The following SPAG16 variants were observed in gnomAD, a reference collection of about 807,000 sequenced individuals.
The protein encoded by SPAG16 is sperm-associated antigen 16 protein.
SPAG16 carries 86 observed loss-of-function variants against 80.4 expected under a neutral mutation model. That is an observed-to-expected ratio of 1.07 (90% CI 0.90 to 1.28). The LOEUF is 1.28. Among genes scored for constraint, SPAG16 ranks in the 50% most tolerant of loss-of-function variants. The probability of loss-of-function intolerance (pLI) is 0.00; values close to 1 mark genes in which losing one functional copy is unlikely to be tolerated. For synonymous variants in SPAG16, 294 were observed against 265.9 expected (o/e 1.11, Z -1.03); for missense variants, 870 against 765.3 (o/e 1.14, Z -1.61).
At chr2:213,464,255 A>G (rs1280506730) in intron 9 of SPAG16, among the ~76,000 whole-genome samples, 1 of 152,240 alleles carries the variant, frequency 6.6e-6, no homozygotes, top group Admixed American at 6.5e-5. Context: ...TTTCTAAAAC[A>G]GTAGTGCCAT....
rs546012868 is a variant in SPAG16, at chr2:213,634,716, A to G, written c.1070+144626A>G. On this transcript the variant is annotated intron_variant, in intron 10 of 15. Coordinates refer to ENST00000331683, the MANE Select transcript of SPAG16 (RefSeq NM_024532.5). ...TGCACCTATAACCCGAGCAGTGTAC[A>G]CTGTACCCAAGATGTAGACTTTTAT... Among the ~76,000 whole-genome samples the G allele has an allele frequency of 4.6e-5, 7 of 152,292 alleles. No individual in the cohort carries two copies. The East Asian group carries it at 1.3e-3, about 29-fold the overall frequency.
At chr2:213,703,148 T>C (rs753850765) in intron 10 of SPAG16, among the ~76,000 whole-genome samples, 1 of 152,202 alleles carries the variant, frequency 6.6e-6, no homozygotes, top group African/African-American at 2.4e-5. Flanking sequence ...AAAGATGACA[T>C]GACAGAGCTG....
chr2:213,577,002 C>A (rs1307395413), intron 10 of SPAG16, among the ~76,000 whole-genome samples: 2 of 152,028 alleles, frequency 1.3e-5, no homozygotes, highest in African/African-American at 4.8e-5. Context: ...GTACATATTT[C>A]TTTGCTACCC....
intron 15 of SPAG16, among the ~76,000 whole-genome samples, chr2:214,370,838 C>T (rs1353483315): frequency 1.3e-5 from 2 of 152,242 alleles, no homozygotes; most frequent in East Asian, 3.9e-4. Context: ...GTGTTTATTT[C>T]TCATAGGCAT....
intron 4 of SPAG16, 55 bp downstream of exon 4, chr2:213,310,232 C>T (rs559502302): frequency 2.2e-5 from 28 of 1,252,406 alleles, no homozygotes; most frequent in South Asian, 1.7e-4. Context: ...TTAACATATA[C>T]ACTTTTAAGT....
intron 10 of SPAG16, among the ~76,000 whole-genome samples, chr2:213,821,366 T>G (rs1440009650): frequency 6.6e-6 from 1 of 152,128 alleles, no homozygotes; most frequent in African/African-American, 2.4e-5. Flanking sequence ...ATTTTAAAAT[T>G]TTATTTTTTC....
intron 10 of SPAG16, among the ~76,000 whole-genome samples, chr2:213,640,255 T>C (rs2062534673): frequency 6.6e-6 from 1 of 152,212 alleles, no homozygotes; most frequent in African/African-American, 2.4e-5. Flanking sequence ...AATTCAGATA[T>C]TTCTTCTTGG....
At chr2:213,523,407 T>C (rs1406767901) in intron 10 of SPAG16, among the ~76,000 whole-genome samples, 1 of 152,176 alleles carries the variant, frequency 6.6e-6, no homozygotes, top group Non-Finnish European at 1.5e-5. Flanking sequence ...ATTAGAAGCA[T>C]GAGAATAGAC....
At chr2:213,859,178 CAAAAAAAAAAAAAAAAAAAAAAA>C (rs1165853142) in intron 10 of SPAG16, among the ~76,000 whole-genome samples, 1 of 9,368 alleles carries the variant, frequency 1.1e-4, no homozygotes, top group Non-Finnish European at 1.8e-4. Flanking sequence ...CACTCCGTCT[CAAAAAAAAAAAAAAAAAAAAAAA>C]AAAAAAAAAA....
intron 11 of SPAG16, among the ~76,000 whole-genome samples, chr2:213,876,396 C>G (rs1280553835): frequency 6.6e-6 from 1 of 151,550 alleles, no homozygotes; most frequent in Non-Finnish European, 1.5e-5. Flanking sequence ...CATTGCAAAC[C>G]TATTTTGTAT....
chr2:213,765,142 G>A (rs1485959349), intron 10 of SPAG16, among the ~76,000 whole-genome samples: 1 of 152,232 alleles, frequency 6.6e-6, no homozygotes, highest in African/African-American at 2.4e-5. Context: ...TGCCCGAGGC[G>A]GGCGGATCAC....
chr2:214,314,871 A>G (rs975876796), intron 15 of SPAG16, among the ~76,000 whole-genome samples: 2 of 152,168 alleles, frequency 1.3e-5, no homozygotes, highest in Non-Finnish European at 2.9e-5. Flanking sequence ...AGGAAAGAAT[A>G]AAAAATGAAT....
At chr2:213,295,912 G>A (rs2062476724) in intron 1 of SPAG16, 152 bp from the exon 2 acceptor site, 1 of 537,802 alleles carries the variant, frequency 1.9e-6, no homozygotes, top group South Asian at 3.0e-5. Flanking sequence ...GGCTATATGG[G>A]GAAGACAAAT....
chr2:214,019,553 C>T (rs1018724394), intron 13 of SPAG16, among the ~76,000 whole-genome samples: 1 of 152,100 alleles, frequency 6.6e-6, no homozygotes, highest in African/African-American at 2.4e-5. Context: ...CTTGTCACTG[C>T]GAGTTTCTAT....
rs903673721 is a variant in SPAG16 at position 213,284,488 on chromosome 2, C to A, written c.5C>A (p.Ala2Asp). The A allele has an allele frequency of 1.3e-6, 2 of 1,567,526 alleles. No individual in the cohort carries two copies. The highest frequency in any genetic ancestry group is 1.7e-6 in the Non-Finnish European group (2 of 1,156,654). ...TGGGGGCCCGAAGCGCCAGAGATGG[C>A]TGCTCAGCGAGGGATGCCCAGCTCC... M[A>D]AQRGMPSSAV... The change falls in exon 1 of 16, where the codon GCT becomes GAT. Residue 2 changes from alanine to aspartate, a missense_variant. Coordinates refer to ENST00000331683, the MANE Select transcript of SPAG16 (RefSeq NM_024532.5).
chr2:214,259,807 G>A (rs1691004118), intron 15 of SPAG16, among the ~76,000 whole-genome samples: 1 of 152,052 alleles, frequency 6.6e-6, no homozygotes. Context: ...GTTTGCATTT[G>A]TCTTCTAAGT....
At chr2:214,260,195 A>G (rs1691036057) in intron 15 of SPAG16, among the ~76,000 whole-genome samples, 1 of 152,136 alleles carries the variant, frequency 6.6e-6, no homozygotes, top group Admixed American at 6.5e-5. Flanking sequence ...TTTCTAAGTG[A>G]TAAAAGACTA....
chr2:213,786,113 G>A (rs533758652), intron 10 of SPAG16, among the ~76,000 whole-genome samples: 2 of 152,114 alleles, frequency 1.3e-5, no homozygotes, highest in East Asian at 3.9e-4. Context: ...TCTTGATTAA[G>A]GATATAATAT....
At chr2:214,128,891 A>G (rs2054619434) in intron 14 of SPAG16, among the ~76,000 whole-genome samples, 1 of 151,772 alleles carries the variant, frequency 6.6e-6, no homozygotes, top group Non-Finnish European at 1.5e-5. Flanking sequence ...TGCTCAAACT[A>G]GGGCTAATTA....
Sources: gnomAD v4.1 joint callset for allele counts (sites outside exome capture counted in the v4.1 genomes callset) on GRCh38, gnomAD v4.1.1 for gene constraint, MANE v1.5 for transcripts, NCBI Gene and HGNC (gene_info 2026-07-23, HGNC 2026-07-21) for gene names.